GRID1: variants seen among roughly 807,000 people sequenced by gnomAD.
GRID1 encodes the protein glutamate receptor ionotropic, delta-1.
In GRID1, 28 loss-of-function variants were observed where a neutral mutation model predicts 98.0. The observed-to-expected ratio is 0.29, with a 90% confidence interval of 0.21 to 0.39. The LOEUF is 0.39. Among genes scored for constraint, GRID1 ranks in the 10% least tolerant of loss-of-function variants. GRID1 has a pLI of 1.00. For synonymous variants in GRID1, 553 were observed against 538.5 expected (o/e 1.03, Z -0.37); for missense variants, 1,111 against 1,340.5 (o/e 0.83, Z 2.67).
chr10:86,050,140 C>T (rs898556774), intron 4 of GRID1, among the ~76,000 whole-genome samples: 1 of 152,160 alleles, frequency 6.6e-6, no homozygotes, highest in East Asian at 1.9e-4. Flanking sequence ...CAAGTCAATA[C>T]ACTTAAGAGG....
chr10:85,901,039 G>C (rs1432967046), intron 5 of GRID1, among the ~76,000 whole-genome samples: 1 of 152,004 alleles, frequency 6.6e-6, no homozygotes, highest in Non-Finnish European at 1.5e-5. Flanking sequence ...AACTAGGGTC[G>C]CAGCAGGCCC....
At chr10:86,157,293 C>T (rs1845259729) in intron 3 of GRID1, among the ~76,000 whole-genome samples, 1 of 152,112 alleles carries the variant, frequency 6.6e-6, no homozygotes, top group African/African-American at 2.4e-5. Flanking sequence ...ACTGAAGCCA[C>T]AAATGTGAAT....
chr10:85,942,407 A>C (rs1564632024), intron 4 of GRID1, among the ~76,000 whole-genome samples: 1 of 152,040 alleles, frequency 6.6e-6, no homozygotes, highest in Non-Finnish European at 1.5e-5. Flanking sequence ...TATGTCTCCA[A>C]CTGTCTGGGG....
rs549250183 is a variant in GRID1, at chr10:86,055,453, T to C, written c.726+83366A>G. On this transcript the variant is annotated intron_variant, in intron 4 of 15. Transcript: ENST00000327946. Reference sequence around the variant, plus strand: ...GGTCATGAGGGTGGGGCCTTCATGATGGGATTAGTGCTCTTTTAAGAAGAG... The same window carrying C: ...GGTCATGAGGGTGGGGCCTTCATGACGGGATTAGTGCTCTTTTAAGAAGAG... Among the ~76,000 whole-genome samples, 4 of 152,268 alleles carry C rather than the reference T, an allele frequency of 2.6e-5. No homozygotes were observed. The East Asian group carries it at 7.7e-4, about 29-fold the overall frequency.
At chr10:86,008,778 T>C (rs1842892152) in intron 4 of GRID1, among the ~76,000 whole-genome samples, 3 of 152,216 alleles carry the variant, frequency 2.0e-5, no homozygotes, top group Admixed American at 2.0e-4. Context: ...ACATCTCCCA[T>C]ATTTTGCTGG....
At chr10:86,088,209 T>TTA in intron 4 of GRID1, among the ~76,000 whole-genome samples, 1 of 152,184 alleles carries the variant, frequency 6.6e-6, no homozygotes. Context: ...ACATCTTTAA[T>TTA]AATTCTCAAT....
At chr10:85,870,192 G>GCATAGGTAGAATA (rs1843263985) in intron 5 of GRID1, among the ~76,000 whole-genome samples, 1 of 152,246 alleles carries the variant, frequency 6.6e-6, no homozygotes, top group Admixed American at 6.5e-5. Flanking sequence ...AAAGCAGGCA[G>GCATAGGTAGAATA]AAGAAGCTGG....
intron 3 of GRID1, among the ~76,000 whole-genome samples, chr10:86,147,450 G>T (rs1162283684): frequency 6.6e-6 from 1 of 152,070 alleles, no homozygotes; most frequent in African/African-American, 2.4e-5. Context: ...ATACTATAAC[G>T]CTACAGTAAC....
intron 13 of GRID1, among the ~76,000 whole-genome samples, chr10:85,631,987 A>G (rs2351819): frequency 0.3 from 33,064 of 111,474 alleles, 4,372 homozygotes; most frequent in East Asian, 0.4. Flanking sequence ...ACACATATGC[A>G]CACACACACA....
At chr10:85,633,874 A>C (rs1479902961) in intron 13 of GRID1, among the ~76,000 whole-genome samples, 1 of 152,060 alleles carries the variant, frequency 6.6e-6, no homozygotes, top group African/African-American at 2.4e-5. Context: ...AGAACCATAA[A>C]AGTTTACTGG....
At chr10:86,320,130 T>C (rs1361484504) in intron 2 of GRID1, among the ~76,000 whole-genome samples, 2 of 152,134 alleles carry the variant, frequency 1.3e-5, no homozygotes, top group Admixed American at 1.3e-4. Context: ...GTAAAGCAAG[T>C]TTATGAGCAC....
In GRID1 at chr10:85,727,428, C is replaced by T. The variant is rs192954642; in HGVS notation, c.1533+427G>A. On this transcript the variant is annotated intron_variant, in intron 10 of 15. Transcript: ENST00000327946. ...AAGTATGAGGACCTGGGGGATGCCA[C>T]ACCATCAACACATAGCAATGTAGAC... Among the ~76,000 whole-genome samples, 165 of 152,246 alleles carry T rather than the reference C, an allele frequency of 1.1e-3. 3 individuals carry two copies. The highest frequency in any genetic ancestry group is 9.4e-3 in the Admixed American group (144 of 15,290).
intron 4 of GRID1, among the ~76,000 whole-genome samples, chr10:86,026,684 G>A (rs1316458805): frequency 6.6e-6 from 1 of 152,244 alleles, no homozygotes; most frequent in Non-Finnish European, 1.5e-5. Context: ...AGGGGACCCA[G>A]AACTGAACCT....
chr10:85,974,808 A>T (rs2131857242), intron 4 of GRID1, among the ~76,000 whole-genome samples: 1 of 152,292 alleles, frequency 6.6e-6, no homozygotes, highest in East Asian at 1.9e-4. Flanking sequence ...TTATTTTTGC[A>T]GTGACAGGGT....
intron 4 of GRID1, among the ~76,000 whole-genome samples, chr10:85,927,858 G>A (rs962812119): frequency 6.6e-5 from 10 of 152,166 alleles, no homozygotes; most frequent in African/African-American, 1.9e-4. Context: ...TTTCACAAGC[G>A]AGAGCATTTT....
At chr10:86,159,820 T>C (rs1845295228) in intron 3 of GRID1, among the ~76,000 whole-genome samples, 1 of 152,306 alleles carries the variant, frequency 6.6e-6, no homozygotes, top group Non-Finnish European at 1.5e-5. Flanking sequence ...ATCTATAAAA[T>C]GGGGATGATA....
chr10:86,359,282 C>T (rs1311888076), intron 2 of GRID1, among the ~76,000 whole-genome samples: 3 of 152,118 alleles, frequency 2.0e-5, no homozygotes, highest in African/African-American at 4.8e-5. Flanking sequence ...AGCGTGGCCT[C>T]GATGGGACCT....
chr10:85,730,100 G>A (rs140872630), intron 8 of GRID1, among the ~76,000 whole-genome samples: 102 of 152,322 alleles, frequency 6.7e-4, no homozygotes, highest in African/African-American at 2.2e-3. Context: ...CGGTGCCTAT[G>A]GCAAGCAGGG....
At chr10:86,330,880 A>G (rs1444423010) in intron 2 of GRID1, among the ~76,000 whole-genome samples, 1 of 152,176 alleles carries the variant, frequency 6.6e-6, no homozygotes, top group Non-Finnish European at 1.5e-5. Flanking sequence ...CACAGACGTC[A>G]CCTTGCAGGA....
Sources: gnomAD v4.1 joint callset for allele counts (sites outside exome capture counted in the v4.1 genomes callset) on GRCh38, gnomAD v4.1.1 for gene constraint, MANE v1.5 for transcripts, NCBI Gene and HGNC (gene_info 2026-07-23, HGNC 2026-07-21) for gene names.